Variants in ABCA1 observed in about 807,000 individuals in gnomAD.
ABCA1 encodes the protein ATP binding cassette subfamily A member 1.
ABCA1 carries 133 observed loss-of-function variants against 262.5 expected under a neutral mutation model. The observed-to-expected ratio is 0.51, with a 90% CI of 0.44 to 0.59. The LOEUF is 0.59. ABCA1 is among the 20% of genes least tolerant of loss of function. The pLI is 0.00. For missense variants in ABCA1, 2,452 were observed against 2,777.5 expected (o/e 0.88, Z 2.63); for synonymous variants, 1,022 against 1,043.5 (o/e 0.98, Z 0.40).
chr9:104,794,346 C>T (rs763170864), intron 40 of ABCA1, 41 bp downstream of exon 40: 2 of 1,613,548 alleles, frequency 1.2e-6, no homozygotes, highest in Non-Finnish European at 1.7e-6. Flanking sequence ...ATGCAGAGTG[C>T]CATCTCCATT....
chr9:104,849,146 A>G (rs1785302338), intron 7 of ABCA1, among the ~76,000 whole-genome samples: 1 of 152,202 alleles, frequency 6.6e-6, no homozygotes, highest in South Asian at 2.1e-4. Flanking sequence ...TTAACTCTGG[A>G]GCAAGCTTAT....
chr9:104,862,461 C>T (rs1034753553), intron 5 of ABCA1, among the ~76,000 whole-genome samples: 14 of 151,908 alleles, frequency 9.2e-5, no homozygotes, highest in African/African-American at 3.4e-4. Flanking sequence ...GGCACTAGTC[C>T]GTTCATTCCT....
At chr9:104,820,310 G>A (rs1008661683) in intron 20 of ABCA1, among the ~76,000 whole-genome samples, 3 of 152,194 alleles carry the variant, frequency 2.0e-5, no homozygotes, top group African/African-American at 7.2e-5. Flanking sequence ...GTTTCCAGCA[G>A]GCCTGGCCAC....
chr9:104,817,451 C>G lies in ABCA1; in HGVS notation c.3463-47G>C. The G allele has an allele frequency of 1.9e-6, 3 of 1,601,322 alleles. No individual in the cohort carries two copies. Among genetic ancestry groups the G allele is most frequent in the Non-Finnish European group, 2.6e-6 (3 of 1,168,602 alleles). ...AGAACGGGTCAGGGACGGAGCAAGG[C>G]AGAGCCACCAGCACCTTCGCCGGGG... On this transcript the variant is annotated intron_variant, in intron 23 of 49. Coordinates refer to ENST00000374736, the MANE Select transcript of ABCA1 (RefSeq NM_005502.4). This position sits in a 1 kb window ranked among gnomAD's most constrained non-coding sequence, Gnocchi z 4.7.
chr9:104,912,705 A>C (rs934763632), intron 1 of ABCA1, among the ~76,000 whole-genome samples: 1 of 152,220 alleles, frequency 6.6e-6, no homozygotes, highest in Non-Finnish European at 1.5e-5. Flanking sequence ...TCAAAGGAAG[A>C]CTTCAGCAAA....
intron 25 of ABCA1, among the ~76,000 whole-genome samples, chr9:104,814,766 C>T (rs1239128429): frequency 1.3e-5 from 2 of 152,132 alleles, no homozygotes; most frequent in East Asian, 1.9e-4. Context: ...GAGGCCGAGG[C>T]GGGCAGATCA....
At chr9:104,906,868 G>A (rs1244580640) in intron 1 of ABCA1, among the ~76,000 whole-genome samples, 3 of 151,856 alleles carry the variant, frequency 2.0e-5, no homozygotes, top group Non-Finnish European at 4.4e-5. Context: ...TGGCTGGAAA[G>A]GATCCCACTT....
At chr9:104,871,889 A>G (rs1226905340) in intron 5 of ABCA1, among the ~76,000 whole-genome samples, 1 of 152,208 alleles carries the variant, frequency 6.6e-6, no homozygotes, top group East Asian at 1.9e-4. Flanking sequence ...GACACTTCAA[A>G]CACCACACAA....
chr9:104,820,926 G>A (rs1415159673), intron 20 of ABCA1, among the ~76,000 whole-genome samples: 5 of 152,130 alleles, frequency 3.3e-5, no homozygotes, highest in African/African-American at 7.2e-5. Flanking sequence ...AGGTGTTCAC[G>A]GAGGTGAGCC....
chr9:104,801,471 C>G (rs12004453), intron 34 of ABCA1, among the ~76,000 whole-genome samples: 18 of 151,570 alleles, frequency 1.2e-4, no homozygotes, highest in African/African-American at 4.4e-4. Flanking sequence ...TTGCCCGCCT[C>G]GGCATCCCAA....
Position 104,806,135 on chromosome 9 carries a change from A to C in ABCA1, c.4464+106T>G. On this transcript the variant is annotated intron_variant, in intron 31 of 49. Coordinates refer to ENST00000374736, the MANE Select transcript of ABCA1 (RefSeq NM_005502.4). ...AAAAAACAAAAAACAAAAAAGACTG[A>C]AACAGACCCTCCCAACATGATATCT... is the stretch of plus-strand genomic sequence containing the variant. 2.4e-6 allele frequency: 3 copies of C among 1,238,180 alleles called. No homozygotes were observed. The South Asian group carries it at 4.2e-5, about 17-fold the overall frequency. The allele number at this position is 1,238,180 out of a possible 1,614,324, so 76.7% of individuals were successfully genotyped here. A position where few individuals can be genotyped will look rare whatever the true frequency, so the allele number is the denominator to read the frequency against.
chr9:104,863,342 CT>C (rs1230052898), intron 5 of ABCA1, among the ~76,000 whole-genome samples: 1 of 152,314 alleles, frequency 6.6e-6, no homozygotes. Flanking sequence ...AGCCTAACTT[CT>C]TTGTAATAAA....
intron 32 of ABCA1, among the ~76,000 whole-genome samples, chr9:104,804,145 G>A (rs949720338): frequency 2.6e-5 from 4 of 152,086 alleles, no homozygotes; most frequent in African/African-American, 9.7e-5. Context: ...AAGCTAGAAG[G>A]CTCTCCCAAG....
chr9:104,831,900 C>T, intron 12 of ABCA1, 73 bp from the exon 13 acceptor site: 5 of 1,386,444 alleles, frequency 3.6e-6, no homozygotes, highest in Non-Finnish European at 5.1e-6. Flanking sequence ...AAATCCTACA[C>T]TAGGAGGCAA....
intron 35 of ABCA1, among the ~76,000 whole-genome samples, chr9:104,800,205 C>T (rs1376666584): frequency 6.6e-6 from 1 of 152,108 alleles, no homozygotes; most frequent in Non-Finnish European, 1.5e-5. Flanking sequence ...GGACCTTATA[C>T]CTTTAACTCA....
rs1262728963 is a variant in ABCA1 at position 104,788,498 on chromosome 9, C to T, written c.5997G>A (p.Glu1999=). Residue 1999 remains glutamate, a synonymous_variant, in exon 45 of 50, where the codon GAG becomes GAA. Coordinates refer to ENST00000374736, the MANE Select transcript of ABCA1 (RefSeq NM_005502.4). ...CCACGTGTTCTCTCCCAGTCAACAG[C>T]TCTGTGATGGCATCAAACTGAGGGC... ...GYCPQFDAIT[E]LLTGREHVEF... is the part of the protein sequence containing the mutation. 5 of 1,614,186 alleles carry T rather than the reference C, an allele frequency of 3.1e-6. No homozygotes were observed. The highest frequency in any genetic ancestry group is 3.4e-6 in the Non-Finnish European group (4 of 1,180,028).
chr9:104,890,267 G>T (rs1392910044), intron 2 of ABCA1, among the ~76,000 whole-genome samples: 3 of 152,084 alleles, frequency 2.0e-5, no homozygotes, highest in African/African-American at 4.8e-5. Context: ...ATCCCTTTTT[G>T]TCTTCTTTTT....
intron 1 of ABCA1, among the ~76,000 whole-genome samples, chr9:104,913,775 GT>G (rs1221452861): frequency 6.7e-6 from 1 of 149,624 alleles, no homozygotes; most frequent in Admixed American, 6.9e-5. Context: ...CTCCCTACAA[GT>G]TTTTATTTTA....
intron 7 of ABCA1, among the ~76,000 whole-genome samples, chr9:104,854,564 T>C (rs982708829): frequency 6.6e-5 from 10 of 152,238 alleles, no homozygotes; most frequent in Admixed American, 3.9e-4. Context: ...GAGGTTTCTG[T>C]GAGACAGGAA....
Sources: allele counts gnomAD v4.1 joint callset (sites outside exome capture counted in the v4.1 genomes callset), GRCh38; gene constraint gnomAD v4.1.1; non-coding constraint Gnocchi (gnomAD v3.1); transcripts MANE v1.5; gene names NCBI Gene and HGNC (gene_info 2026-07-23, HGNC 2026-07-21).